LCP1: variants seen among roughly 807,000 people sequenced by gnomAD.
LCP1 encodes the protein lymphocyte cytosolic protein 1.
LCP1 carries 23 observed loss-of-function variants against 72.0 expected under a neutral mutation model. The ratio of observed to expected loss-of-function variants is 0.32; its 90% CI spans 0.23 to 0.45. The LOEUF (loss-of-function observed/expected upper bound fraction) is 0.45. Among genes scored for constraint, LCP1 ranks in the 20% least tolerant of loss-of-function variants. LCP1 has a pLI of 1.00. For synonymous variants in LCP1, 245 were observed against 275.4 expected, an observed-to-expected ratio of 0.89 and a Z score of 1.09; for missense variants, 571 against 748.3, an observed-to-expected ratio of 0.76 and a Z score of 2.76.
chr13:46,138,072 A>G (rs1267445773), intron 13 of LCP1, among the ~76,000 whole-genome samples: 1 of 152,210 alleles, frequency 6.6e-6, no homozygotes, highest in African/African-American at 2.4e-5. Context: ...CAGAGCCATC[A>G]TTGCCATGTG....
At chr13:46,175,907 T>C (rs1227173356) in intron 1 of LCP1, among the ~76,000 whole-genome samples, 1 of 152,196 alleles carries the variant, frequency 6.6e-6, no homozygotes, top group Non-Finnish European at 1.5e-5. Flanking sequence ...TTGCACCTAT[T>C]ACCTAGCTTT....
rs372786100 is a variant in LCP1 at position 46,143,405 on chromosome 13, C to T, written c.1254-1G>A. 1 of 1,599,838 alleles carries T rather than the reference C, an allele frequency of 6.3e-7. No homozygotes were observed. The highest frequency in any genetic ancestry group is 1.3e-5 in the African/African-American group (1 of 74,646). ...GATGACCAGGGCATCTGATAAGTCA[C>T]TGAACAAAACAAACACAAAAGGATT... is the stretch of plus-strand genomic sequence containing the variant. On this transcript the variant is annotated splice_acceptor_variant, in intron 11 of 15. Coordinates refer to ENST00000323076, the MANE Select transcript of LCP1 (RefSeq NM_002298.5). LOFTEE classifies it high-confidence loss of function.
rs148482545 is a variant in LCP1 at position 46,148,889 on chromosome 13, C to T, written c.883-442G>A. 3.9e-5 allele frequency: 17 copies of T among 433,164 alleles called. No individual in the cohort carries two copies. The East Asian group carries it at 2.7e-3, about 69-fold the overall frequency. The allele number at this position is 433,164 out of a possible 1,614,324, so 26.8% of individuals were successfully genotyped here. A position where few individuals can be genotyped will look rare whatever the true frequency, so the allele number is the denominator to read the frequency against. On this transcript the variant is annotated intron_variant, in intron 8 of 15. Transcript: ENST00000323076. ...TTTAAAATACATTTAAATGGACAAT[C>T]AGCAAGAGAAAAAGATGTCAAAGAC...
intron 10 of LCP1, 34 bp from the exon 11 acceptor site, chr13:46,144,554 C>T (rs373865130): frequency 5.8e-5 from 87 of 1,502,280 alleles, no homozygotes; most frequent in Non-Finnish European, 7.1e-5. Context: ...CTTTTGGGAC[C>T]GAAGAAAACA....
intron 1 of LCP1, among the ~76,000 whole-genome samples, chr13:46,161,723 G>A (rs1056135543): frequency 1.6e-4 from 24 of 152,156 alleles, no homozygotes; most frequent in Admixed American, 3.3e-4. Context: ...GAAAGAAAGC[G>A]TAACTGAAAT....
chr13:46,143,336 C>G lies in LCP1; in HGVS notation c.1322G>C (p.Arg441Thr). 6.2e-7 allele frequency: 1 copy of G among 1,614,030 alleles called. No individual in the cohort carries two copies. Among genetic ancestry groups the G allele is most frequent in the East Asian group, 2.2e-5 (1 of 44,872 alleles). Residue 441 changes from arginine to threonine, a missense_variant, in exon 12 of 16, where the codon AGA (arginine) becomes ACA (threonine). Arg to Thr is a moderately conservative substitution (Grantham distance 71). Transcript: ENST00000323076. ...TTTGGGGTATGGCGGTTTGTTTACT[C>G]TGTTCCAGTCAACAGGAACTTTGAT... ...EKIKVPVDWN[R>T]VNKPPYPKLG...
chr13:46,134,882 T>A (rs995240394), intron 13 of LCP1, among the ~76,000 whole-genome samples: 1 of 151,962 alleles, frequency 6.6e-6, no homozygotes, highest in African/African-American at 2.4e-5. Flanking sequence ...GGTGAGCAGT[T>A]CACTTGAGCT....
At chr13:46,127,944 A>G (rs2045609361) in intron 15 of LCP1, among the ~76,000 whole-genome samples, 1 of 151,940 alleles carries the variant, frequency 6.6e-6, no homozygotes, top group African/African-American at 2.4e-5. Context: ...CGTGATCATT[A>G]TCAAGTGTAT....
intron 1 of LCP1, among the ~76,000 whole-genome samples, chr13:46,174,574 T>G (rs1472173335): frequency 1.3e-5 from 2 of 152,292 alleles, no homozygotes; most frequent in East Asian, 3.9e-4. Context: ...CCGGGTGCAG[T>G]GACTCACACT....
At chr13:46,162,112 G>A (rs985338617) in intron 1 of LCP1, among the ~76,000 whole-genome samples, 1 of 152,122 alleles carries the variant, frequency 6.6e-6, no homozygotes, top group African/African-American at 2.4e-5. Flanking sequence ...TCAGCTGGGT[G>A]GAGAAGCAGC....
intron 1 of LCP1, among the ~76,000 whole-genome samples, chr13:46,160,795 G>A (rs1422076473): frequency 6.6e-6 from 1 of 152,154 alleles, no homozygotes; most frequent in Non-Finnish European, 1.5e-5. Context: ...GTGCAGAGGG[G>A]ATAAGTGGAG....
rs143274905 is a variant in LCP1, at chr13:46,170,133, CCTT to C, written c.-24-10450_-24-10448del. 5.3e-3 allele frequency among the ~76,000 whole-genome samples: 802 copies of C among 152,312 alleles called. 5 individuals are homozygous for C. Among genetic ancestry groups the C allele is most frequent in the African/African-American group, 0.019 (773 of 41,556 alleles). On this transcript the variant is annotated intron_variant, in intron 1 of 15. Transcript: ENST00000323076. ...ACAGGACTTGAAAAGTCCCCTATCA[CCTT>C]CTTTGAGGAATTTAACAATAATATT...
Position 46,133,933 on chromosome 13 carries a change from G to A in LCP1, c.1626+194C>T, listed in dbSNP as rs75134768. Among the ~76,000 whole-genome samples, 21 of 152,130 alleles carry A rather than the reference G, an allele frequency of 1.4e-4. No homozygotes were observed. In the East Asian group the frequency reaches 4.1e-3, roughly 29 times the overall value. ...TGATGGGTTTTTATGATTAACTTATGGGAGAAAGTATTGAGAAATTCATTA... is the reference window on the plus strand; with the variant it reads ...TGATGGGTTTTTATGATTAACTTATAGGAGAAAGTATTGAGAAATTCATTA... On this transcript the variant is annotated intron_variant, in intron 14 of 15. Coordinates refer to ENST00000323076, the MANE Select transcript of LCP1 (RefSeq NM_002298.5).
intron 1 of LCP1, among the ~76,000 whole-genome samples, chr13:46,166,397 C>T (rs1021227268): frequency 6.6e-6 from 1 of 152,142 alleles, no homozygotes; most frequent in African/African-American, 2.4e-5. Flanking sequence ...AATCATATAA[C>T]CTGCCAGGAT....
At chr13:46,160,586 G>GGTGTT (rs1276015457) in intron 1 of LCP1, among the ~76,000 whole-genome samples, 2 of 152,180 alleles carry the variant, frequency 1.3e-5, no homozygotes, top group African/African-American at 4.8e-5. Context: ...GCGCTTTCTA[G>GGTGTT]GTGTTTTCTT....
intron 15 of LCP1, 27 bp downstream of exon 15, chr13:46,130,787 A>G (rs2045628892): frequency 6.2e-7 from 1 of 1,612,538 alleles, no homozygotes; most frequent in African/African-American, 1.3e-5. Context: ...TTCCCTCCCA[A>G]TCTGAGGTTT....
chr13:46,142,830 GTAGC>G (rs903843352), intron 12 of LCP1: 4 of 457,616 alleles, frequency 8.7e-6, no homozygotes, highest in African/African-American at 8.0e-5. Context: ...AGATATTCCT[GTAGC>G]TACGCATGGA....
At chr13:46,142,218 T>C (rs1040960323) in intron 13 of LCP1, 74 bp downstream of exon 13, 24 of 1,468,286 alleles carry the variant, frequency 1.6e-5, no homozygotes, top group Non-Finnish European at 2.2e-5. Context: ...TAACTCATAC[T>C]GCTAAAAATT....
intron 9 of LCP1, among the ~76,000 whole-genome samples, chr13:46,147,677 A>C (rs994147058): frequency 6.6e-6 from 1 of 152,192 alleles, no homozygotes. Context: ...TTATTTTTGC[A>C]GACTTCAGAT....
Sources: allele counts gnomAD v4.1 joint callset (sites outside exome capture counted in the v4.1 genomes callset), GRCh38; gene constraint gnomAD v4.1.1; transcripts MANE v1.5; gene names NCBI Gene and HGNC (gene_info 2026-07-23, HGNC 2026-07-21).